Variants in DLG2 observed in about 807,000 individuals in gnomAD.
DLG2 encodes the protein discs large MAGUK scaffold protein 2.
Under a neutral mutation model 132.5 loss-of-function variants are expected in DLG2, and 45 were observed. That is an observed-to-expected ratio of 0.34 (90% CI 0.27 to 0.44). The LOEUF (loss-of-function observed/expected upper bound fraction) is 0.44, where lower values mean the gene tolerates loss of function less well. Among genes scored for constraint, DLG2 ranks in the 20% least tolerant of loss-of-function variants. The probability of loss-of-function intolerance (pLI) is 1.00; values close to 1 mark genes in which losing one functional copy is unlikely to be tolerated. For missense variants in DLG2, 1,045 were observed against 1,196.9 expected (o/e 0.87, Z 1.87); for synonymous variants, 424 against 419.6 (o/e 1.01, Z -0.13).
At chr11:84,859,187 A>G (rs1030598899) in intron 6 of DLG2, among the ~76,000 whole-genome samples, 12 of 151,586 alleles carry the variant, frequency 7.9e-5, no homozygotes, top group African/African-American at 2.9e-4. Flanking sequence ...TTCCCCTGAA[A>G]AAGTATAAAA....
intron 11 of DLG2, among the ~76,000 whole-genome samples, chr11:84,011,317 A>AC (rs1350613145): frequency 6.6e-6 from 1 of 151,946 alleles, no homozygotes; most frequent in African/African-American, 2.4e-5. Context: ...AAAAAAATAC[A>AC]AAAACTAGCC....
At chr11:84,208,652 CTT>C (rs998651358) in intron 8 of DLG2, among the ~76,000 whole-genome samples, 4 of 151,970 alleles carry the variant, frequency 2.6e-5, no homozygotes, top group African/African-American at 9.7e-5. Flanking sequence ...CCAGAATAAA[CTT>C]TTTAAAATAA....
At chr11:85,523,652 A>G (rs2074500315) in intron 3 of DLG2, among the ~76,000 whole-genome samples, 1 of 152,206 alleles carries the variant, frequency 6.6e-6, no homozygotes, top group Non-Finnish European at 1.5e-5. Context: ...TAGTAGAATC[A>G]CCATGGAGAG....
At chr11:83,915,150 A>T (rs901256466) in intron 15 of DLG2, among the ~76,000 whole-genome samples, 4 of 152,190 alleles carry the variant, frequency 2.6e-5, no homozygotes, top group Non-Finnish European at 5.9e-5. Flanking sequence ...ATAAGATTAG[A>T]TAGGGACTGA....
chr11:85,318,528 T>C (rs2080842795), intron 3 of DLG2, among the ~76,000 whole-genome samples: 1 of 151,862 alleles, frequency 6.6e-6, no homozygotes. Flanking sequence ...GCTCTCATTT[T>C]TCATCATCTT....
At position 85,481,351 on chromosome 11, in the gene DLG2, T is replaced by C. The variant is rs1034544389; in HGVS notation, c.40+117306A>G. 2.6e-5 allele frequency among the ~76,000 whole-genome samples: 4 copies of C among 152,156 alleles called. 1 individual carries two copies. The highest frequency in any genetic ancestry group is 4.8e-5 in the African/African-American group (2 of 41,430). ...CCACAGAAACATCAATTTGAACAAT[T>C]GTCCATGCACAAAAATACTTTCACA... On this transcript the variant is annotated intron_variant, in intron 3 of 27. Coordinates refer to ENST00000376104, the MANE Select transcript of DLG2 (RefSeq NM_001142699.3).
chr11:85,383,255 C>T (rs1446671577), intron 3 of DLG2, among the ~76,000 whole-genome samples: 2 of 151,982 alleles, frequency 1.3e-5, no homozygotes, highest in Non-Finnish European at 2.9e-5. Flanking sequence ...TTCATTTATC[C>T]AAAATCCAGA....
chr11:85,360,397 A>G (rs1336500309), intron 3 of DLG2, among the ~76,000 whole-genome samples: 1 of 152,180 alleles, frequency 6.6e-6, no homozygotes, highest in African/African-American at 2.4e-5. Context: ...ATTAAATGAC[A>G]TAAGACATGT....
chr11:84,357,518 T>C (rs2098623321), intron 7 of DLG2, among the ~76,000 whole-genome samples: 1 of 151,992 alleles, frequency 6.6e-6, no homozygotes, highest in Admixed American at 6.6e-5. Context: ...GTATTTTATG[T>C]TTAAGAGCAA....
chr11:84,705,615 C>T (rs1273995715), intron 6 of DLG2, among the ~76,000 whole-genome samples: 2 of 151,696 alleles, frequency 1.3e-5, no homozygotes, highest in African/African-American at 4.8e-5. Flanking sequence ...TTCATGCATC[C>T]ATTCATTCCT....
intron 6 of DLG2, among the ~76,000 whole-genome samples, chr11:84,566,374 T>G (rs900937788): frequency 6.6e-6 from 1 of 152,192 alleles, no homozygotes; most frequent in Non-Finnish European, 1.5e-5. Flanking sequence ...TAAAATCAAA[T>G]AGCAGAAACT....
chr11:85,307,055 C>T (rs1178494599), intron 3 of DLG2, among the ~76,000 whole-genome samples: 1 of 152,116 alleles, frequency 6.6e-6, no homozygotes, highest in African/African-American at 2.4e-5. Flanking sequence ...AAGAAATAAG[C>T]AACAATTGAA....
chr11:84,493,363 T>A (rs78059844), intron 7 of DLG2, among the ~76,000 whole-genome samples: 2,472 of 152,206 alleles, frequency 0.016, 77 homozygotes, highest in African/African-American at 0.056. Flanking sequence ...TATCTAAATA[T>A]AAGTAGTGGT....
intron 18 of DLG2, among the ~76,000 whole-genome samples, chr11:83,679,343 T>C (rs546375044): frequency 6.6e-6 from 1 of 152,300 alleles, no homozygotes; most frequent in East Asian, 1.9e-4. Flanking sequence ...AATACAATGT[T>C]AGGGCTGGAA....
At chr11:84,621,737 G>A (rs73511158) in intron 6 of DLG2, among the ~76,000 whole-genome samples, 1 of 152,128 alleles carries the variant, frequency 6.6e-6, no homozygotes, top group African/African-American at 2.4e-5. Flanking sequence ...CATCCAAGTG[G>A]GCTGCTGGGG....
intron 11 of DLG2, among the ~76,000 whole-genome samples, chr11:84,000,798 C>A (rs1367652279): frequency 6.6e-6 from 1 of 151,960 alleles, no homozygotes; most frequent in African/African-American, 2.4e-5. Context: ...AAGTCTTTTA[C>A]AAAGAAGCAA....
At chr11:84,718,786 C>A (rs150492158) in intron 6 of DLG2, among the ~76,000 whole-genome samples, 68 of 152,236 alleles carry the variant, frequency 4.5e-4, no homozygotes, top group African/African-American at 1.5e-3. Context: ...GAACCTAACT[C>A]CTTAGTTATT....
chr11:84,586,150 C>CAAA (rs71036429), intron 6 of DLG2, among the ~76,000 whole-genome samples: 2 of 133,402 alleles, frequency 1.5e-5, no homozygotes, highest in Non-Finnish European at 1.6e-5. Context: ...GATTCTGACT[C>CAAA]AAAAAAAAAA....
chr11:84,167,983 T>C (rs1238670930), intron 8 of DLG2, among the ~76,000 whole-genome samples: 1 of 152,218 alleles, frequency 6.6e-6, no homozygotes, highest in Non-Finnish European at 1.5e-5. Context: ...AATAAATTTT[T>C]ATATATCTCT....
Sources: gnomAD v4.1 joint callset for allele counts (sites outside exome capture counted in the v4.1 genomes callset) on GRCh38, gnomAD v4.1.1 for gene constraint, MANE v1.5 for transcripts, NCBI Gene and HGNC (gene_info 2026-07-23, HGNC 2026-07-21) for gene names.